Variants in RNF144A observed in about 807,000 individuals in gnomAD.
RNF144A encodes ring finger protein 144A, also known as E3 ubiquitin-protein ligase RNF144A.
Under a neutral mutation model 38.7 loss-of-function variants are expected in RNF144A, and 11 were observed. The observed-to-expected ratio is 0.28, with a 90% CI of 0.18 to 0.47. The LOEUF (loss-of-function observed/expected upper bound fraction) is 0.47, where lower values mean the gene tolerates loss of function less well. RNF144A is among the 20% of genes least tolerant of loss of function. The pLI is 0.99. For synonymous variants in RNF144A, 149 were observed against 143.9 expected (o/e 1.04, Z -0.25); for missense variants, 316 against 377.2 (o/e 0.84, Z 1.34).
At chr2:7,073,337 C>T in the RNF144A span, among the ~76,000 whole-genome samples, 5 of 152,234 alleles carry the variant, frequency 3.3e-5, no homozygotes, top group Admixed American at 2.0e-4. Flanking sequence ...TATCACTCCC[C>T]GGAATTGAGT....
At chr2:7,051,640 G>A (rs1673531764) in intron 6 of RNF144A, among the ~76,000 whole-genome samples, 1 of 152,214 alleles carries the variant, frequency 6.6e-6, no homozygotes, top group Non-Finnish European at 1.5e-5. Flanking sequence ...TGTAATCCCA[G>A]CACTTTGGGA....
At chr2:7,071,798 G>C (rs1433993830), downstream of RNF144A, among the ~76,000 whole-genome samples, 2 of 152,214 alleles carry the variant, frequency 1.3e-5, no homozygotes, top group African/African-American at 4.8e-5. Flanking sequence ...TTTTGTAGAT[G>C]TGATTTAACA....
chr2:6,989,222 C>T (rs1048697935), intron 2 of RNF144A, among the ~76,000 whole-genome samples: 1 of 152,234 alleles, frequency 6.6e-6, no homozygotes. Flanking sequence ...TCTTTATTAG[C>T]CACCTGAATC....
chr2:7,026,108 C>T (rs1262881950), intron 7 of RNF144A, among the ~76,000 whole-genome samples: 1 of 152,140 alleles, frequency 6.6e-6, no homozygotes. Context: ...GAAGCACAGG[C>T]TGAGAGATTT....
intron 2 of RNF144A, among the ~76,000 whole-genome samples, chr2:6,996,195 C>A (rs535117920): frequency 2.0e-5 from 3 of 152,326 alleles, no homozygotes; most frequent in African/African-American, 7.2e-5. Flanking sequence ...CCCACCAAGC[C>A]CTTCTGCTCT....
At chr2:6,973,570 C>A (rs2103350773) in intron 2 of RNF144A, among the ~76,000 whole-genome samples, 1 of 152,224 alleles carries the variant, frequency 6.6e-6, no homozygotes, top group African/African-American at 2.4e-5. Flanking sequence ...GGAAGATAGG[C>A]CAGTGAGGAT....
intron 6 of RNF144A, among the ~76,000 whole-genome samples, chr2:7,060,005 T>C (rs1248338771): frequency 1.3e-5 from 2 of 152,252 alleles, no homozygotes; most frequent in Non-Finnish European, 2.9e-5. Context: ...AATGCTATCA[T>C]AGGAAAATAG....
chr2:7,058,338 G>GAA (rs376684925), intron 6 of RNF144A, among the ~76,000 whole-genome samples: 1,544 of 105,958 alleles, frequency 0.015, 30 homozygotes, highest in African/African-American at 0.042. Flanking sequence ...TGGGGGAACT[G>GAA]AAAAAAAAAA....
At chr2:7,072,967 G>T (rs970269759), downstream of RNF144A, among the ~76,000 whole-genome samples, 1 of 152,146 alleles carries the variant, frequency 6.6e-6, no homozygotes, top group African/African-American at 2.4e-5. Flanking sequence ...ACTCCTCATG[G>T]CTTCCTGTCC....
chr2:7,029,211 G>T (rs1402049970), intron 7 of RNF144A, among the ~76,000 whole-genome samples: 1 of 152,228 alleles, frequency 6.6e-6, no homozygotes, highest in African/African-American at 2.4e-5. Context: ...GAATCAACAG[G>T]CTTGCCCCTC....
At chr2:7,009,038 A>C (rs952567694) in intron 3 of RNF144A, among the ~76,000 whole-genome samples, 1 of 152,242 alleles carries the variant, frequency 6.6e-6, no homozygotes, top group East Asian at 1.9e-4. Flanking sequence ...TGAGGGCCGC[A>C]TAGGGCCACA....
At chr2:7,057,697 C>G (rs115681918) in intron 6 of RNF144A, among the ~76,000 whole-genome samples, 29 of 152,272 alleles carry the variant, frequency 1.9e-4, no homozygotes, top group Non-Finnish European at 3.5e-4. Context: ...CAATGCCTAA[C>G]AATCCTGGAA....
intron 6 of RNF144A, among the ~76,000 whole-genome samples, chr2:7,022,082 C>T (rs1671572040): frequency 6.6e-6 from 1 of 152,254 alleles, no homozygotes; most frequent in Non-Finnish European, 1.5e-5. Flanking sequence ...ATGCTGGCAG[C>T]CAGCGTAGCA....
At chr2:6,959,279 G>T (rs77165107) in intron 2 of RNF144A, among the ~76,000 whole-genome samples, 1,702 of 152,280 alleles carry the variant, frequency 0.011, 33 homozygotes, top group African/African-American at 0.039. Flanking sequence ...GTATGGCCAG[G>T]AGTCAGAGAC....
chr2:7,005,762 T>C (rs958127205), intron 3 of RNF144A, among the ~76,000 whole-genome samples: 1 of 152,130 alleles, frequency 6.6e-6, no homozygotes, highest in Non-Finnish European at 1.5e-5. Flanking sequence ...GCTTATTGCT[T>C]CATCTCACTT....
At chr2:6,921,677 C>T (rs1037331041) in intron 1 of RNF144A, among the ~76,000 whole-genome samples, 3 of 152,178 alleles carry the variant, frequency 2.0e-5, no homozygotes, top group East Asian at 1.9e-4. Flanking sequence ...CAGATTGAAC[C>T]GTGGGGTCAG....
intron 2 of RNF144A, among the ~76,000 whole-genome samples, chr2:6,987,735 A>G (rs1669047176): frequency 6.6e-6 from 1 of 152,100 alleles, no homozygotes; most frequent in South Asian, 2.1e-4. Context: ...CTGTGCTCAG[A>G]AGGTGGGTGC....
At chr2:7,075,930 G>T in the RNF144A span, among the ~76,000 whole-genome samples, 1 of 152,192 alleles carries the variant, frequency 6.6e-6, no homozygotes, top group Non-Finnish European at 1.5e-5. Context: ...CCTGTAAAAT[G>T]TGTTTCTTAC....
chr2:7,057,553 G>T (rs1673787954), intron 6 of RNF144A, among the ~76,000 whole-genome samples: 1 of 152,156 alleles, frequency 6.6e-6, no homozygotes, highest in South Asian at 2.1e-4. Context: ...TTTTTAGTTT[G>T]CCAAATATTA....
Sources: allele counts gnomAD v4.1 joint callset (sites outside exome capture counted in the v4.1 genomes callset), GRCh38; gene constraint gnomAD v4.1.1; transcripts MANE v1.5; gene names NCBI Gene and HGNC (gene_info 2026-07-23, HGNC 2026-07-21).